Variants in TGM2 observed in about 807,000 individuals in gnomAD.
TGM2 encodes protein-glutamine gamma-glutamyltransferase 2.
A neutral mutation model predicts 75.6 loss-of-function variants in TGM2; 53 were observed. The ratio of observed to expected loss-of-function variants is 0.70; its 90% confidence interval spans 0.56 to 0.88. The LOEUF is 0.88. TGM2 is among the 40% of genes least tolerant of loss of function. TGM2 has a pLI of 0.00. For missense variants in TGM2, 842 were observed against 928.5 expected (o/e 0.91, Z 1.21); for synonymous variants, 374 against 381.1 (o/e 0.98, Z 0.22).
intron 3 of TGM2, among the ~76,000 whole-genome samples, chr20:38,153,755 T>A (rs2075147311): frequency 6.6e-6 from 1 of 152,034 alleles, no homozygotes; most frequent in Admixed American, 6.6e-5. Flanking sequence ...CTAACAATGG[T>A]GTCCCCCAAG....
chr20:38,155,742 A>ATG, intron 3 of TGM2, 105 bp downstream of exon 3: 1 of 1,471,446 alleles, frequency 6.8e-7, no homozygotes. Flanking sequence ...GTCCACTTTG[A>ATG]TGTGTGTCTC....
intron 4 of TGM2, 37 bp downstream of exon 4, chr20:38,150,902 C>T (rs1402979257): frequency 9.3e-6 from 14 of 1,503,246 alleles, no homozygotes; most frequent in Middle Eastern, 1.7e-4. Context: ...CACAGAAGGG[C>T]CTGAGATGGT....
chr20:38,164,725 G>A (rs1405974638), intron 1 of TGM2, among the ~76,000 whole-genome samples: 1 of 152,168 alleles, frequency 6.6e-6, no homozygotes, highest in South Asian at 2.1e-4. Context: ...ATAGGATGCC[G>A]AAAGCTCCTC....
intron 2 of TGM2, 59 bp from the exon 3 acceptor site, chr20:38,156,148 A>G (rs989057251): frequency 1.3e-6 from 2 of 1,578,330 alleles, no homozygotes; most frequent in Admixed American, 3.4e-5. Flanking sequence ...AGGGCAGGGC[A>G]CCTACGTGGG....
intron 10 of TGM2, among the ~76,000 whole-genome samples, chr20:38,137,524 C>T (rs531786530): frequency 1.8e-4 from 28 of 152,354 alleles, no homozygotes; most frequent in East Asian, 7.7e-4. Context: ...ACATTTCAAG[C>T]GCTTAGCAGC....
intron 8 of TGM2, among the ~76,000 whole-genome samples, chr20:38,140,345 G>A (rs1029439006): frequency 6.6e-6 from 1 of 152,222 alleles, no homozygotes; most frequent in African/African-American, 2.4e-5. Flanking sequence ...CTATCTGCTG[G>A]AGAAATGCCA....
intron 8 of TGM2, 82 bp downstream of exon 8, chr20:38,141,199 CT>C (rs2074967909): frequency 8.4e-7 from 1 of 1,185,432 alleles, no homozygotes; most frequent in Non-Finnish European, 1.2e-6. Context: ...GCTCCTAGTT[CT>C]GCCGCCCTCC....
In TGM2 at chr20:38,138,392, G is replaced by C; in HGVS notation, c.1343-7C>G. The C allele has an allele frequency of 1.2e-6, 2 of 1,613,690 alleles. No individual in the cohort carries two copies. The highest frequency in any genetic ancestry group is 1.8e-4 in the Middle Eastern group (1 of 5,706). On this transcript the variant is annotated splice_polypyrimidine_tract_variant and splice_region_variant and intron_variant, in intron 9 of 12. Coordinates refer to ENST00000361475, the MANE Select transcript of TGM2 (RefSeq NM_004613.4). Reference sequence around the variant, plus strand: ...TCCCTCTCCTCTGAGGACCCTGTAGGGGTTGAGAAGAGAGCCTCAATCACA... The same window carrying C: ...TCCCTCTCCTCTGAGGACCCTGTAGCGGTTGAGAAGAGAGCCTCAATCACA...
At chr20:38,163,454 C>A (rs2075277827) in intron 1 of TGM2, among the ~76,000 whole-genome samples, 1 of 152,236 alleles carries the variant, frequency 6.6e-6, no homozygotes, top group South Asian at 2.1e-4. Flanking sequence ...ACTCCGCTTA[C>A]ATAGATGCTA....
intron 10 of TGM2, among the ~76,000 whole-genome samples, chr20:38,134,394 T>C (rs958186893): frequency 1.2e-4 from 18 of 152,098 alleles, no homozygotes; most frequent in African/African-American, 4.1e-4. Flanking sequence ...AGAGTGGAAA[T>C]TCTAGCTAGC....
At chr20:38,155,339 C>A (rs919353074) in intron 3 of TGM2, among the ~76,000 whole-genome samples, 3 of 152,052 alleles carry the variant, frequency 2.0e-5, no homozygotes, top group African/African-American at 7.2e-5. Flanking sequence ...CATTCTGCTT[C>A]TTTTTATTTT....
At chr20:38,166,512 C>G (rs2075311063), upstream of TGM2, 1 of 152,238 alleles carries the variant, frequency 6.6e-6, no homozygotes, top group Non-Finnish European at 1.5e-5. Flanking sequence ...CCACTGTGAG[C>G]CCTGAGCGGG....
At chr20:38,140,101 C>G (rs1413985529) in intron 8 of TGM2, among the ~76,000 whole-genome samples, 1 of 152,240 alleles carries the variant, frequency 6.6e-6, no homozygotes, top group Non-Finnish European at 1.5e-5. Flanking sequence ...ACATCTGTCT[C>G]GTTTCCTGCT....
intron 1 of TGM2, among the ~76,000 whole-genome samples, chr20:38,164,725 G>C (rs1405974638): frequency 6.6e-6 from 1 of 152,168 alleles, no homozygotes; most frequent in Non-Finnish European, 1.5e-5. Context: ...ATAGGATGCC[G>C]AAAGCTCCTC....
chr20:38,149,662 G>C (rs1195318880), intron 4 of TGM2, among the ~76,000 whole-genome samples: 2 of 97,414 alleles, frequency 2.1e-5, no homozygotes, highest in Non-Finnish European at 3.8e-5. Context: ...CTGGGCAACA[G>C]AGCGAGACTC....
chr20:38,153,462 T>A (rs1474508214), intron 3 of TGM2, among the ~76,000 whole-genome samples: 1 of 143,300 alleles, frequency 7.0e-6, no homozygotes, highest in East Asian at 2.2e-4. Flanking sequence ...GAGGCAGAGG[T>A]TGGAGTGAGG....
chr20:38,159,330 G>A (rs1397756557), intron 2 of TGM2, among the ~76,000 whole-genome samples: 1 of 152,042 alleles, frequency 6.6e-6, no homozygotes, highest in Admixed American at 6.6e-5. Context: ...ACGCATAGAG[G>A]GAAACAACAC....
In TGM2 at chr20:38,155,973, G is replaced by A. The variant is rs777668533; in HGVS notation, c.307C>T (p.Gln103Ter). ...GGGGCGTTGGCCGGGGTGGTGAGCTGCAGCGAGAGGGTGCAGTCTTGCTGG... is the reference window on the plus strand; with the variant it reads ...GGGGCGTTGGCCGGGGTGGTGAGCTACAGCGAGAGGGTGCAGTCTTGCTGG... ...VDQQDCTLSLQLTTPANAPIG... is the reference protein window; with the variant it reads ...VDQQDCTLSL The change falls in exon 3 of 13, where the codon CAG becomes TAG. Residue 103 changes from glutamine (Q) to a stop codon, truncating the protein, a stop_gained. Coordinates refer to ENST00000361475, the MANE Select transcript of TGM2 (RefSeq NM_004613.4). LOFTEE classifies it high-confidence loss of function. 1.3e-4 allele frequency: 208 copies of A among 1,613,200 alleles called. No homozygotes were observed. The highest frequency in any genetic ancestry group is 1.7e-4 in the Non-Finnish European group (197 of 1,179,816).
intron 10 of TGM2, 83 bp downstream of exon 10, chr20:38,138,030 T>A (rs371710596): frequency 6.7e-6 from 10 of 1,499,606 alleles, no homozygotes; most frequent in East Asian, 2.5e-5. Context: ...TGGGGTGAAA[T>A]CACACATGCT....
Sources: allele counts gnomAD v4.1 joint callset (sites outside exome capture counted in the v4.1 genomes callset), GRCh38; gene constraint gnomAD v4.1.1; transcripts MANE v1.5; gene names NCBI Gene and HGNC (gene_info 2026-07-23, HGNC 2026-07-21).